COP1: variants seen among roughly 807,000 people sequenced by gnomAD.
The protein encoded by COP1 is E3 ubiquitin-protein ligase COP1.
A neutral mutation model predicts 101.3 loss-of-function variants in COP1; 24 were observed. The observed-to-expected ratio is 0.24, with a 90% confidence interval of 0.17 to 0.33. The LOEUF is 0.33. Ranked by LOEUF, COP1 falls within the 10% of genes least tolerant of loss-of-function variation. The probability of loss-of-function intolerance (pLI) is 1.00; values close to 1 mark genes in which losing one functional copy is unlikely to be tolerated. For missense variants in COP1, 663 were observed against 906.2 expected (o/e 0.73, Z 3.45); for synonymous variants, 347 against 341.9 (o/e 1.01, Z -0.17).
rs748510844 is a variant in COP1, at chr1:175,947,180, T to C, written c.2178+15A>G. 2.2e-5 allele frequency: 35 copies of C among 1,576,068 alleles called. No individual in the cohort carries two copies. The highest frequency in any genetic ancestry group is 3.1e-5 in the Non-Finnish European group (35 of 1,145,902). Reference sequence around the variant, plus strand: ...TGGGCCTGAGTTTAAAATGGAGATATAGTAAATAGCTTACCTTAATTGTAC... The same window carrying C: ...TGGGCCTGAGTTTAAAATGGAGATACAGTAAATAGCTTACCTTAATTGTAC... On this transcript the variant is annotated intron_variant, in intron 19 of 19. Coordinates refer to ENST00000367669, the MANE Select transcript of COP1 (RefSeq NM_022457.7).
intron 11 of COP1, among the ~76,000 whole-genome samples, chr1:176,050,973 T>C (rs1380789223): frequency 5.9e-5 from 9 of 152,112 alleles, no homozygotes; most frequent in Middle Eastern, 3.4e-3. Flanking sequence ...ATAAGAATAA[T>C]AACACAGAAT....
At chr1:175,992,372 T>C (rs1486368017) in intron 15 of COP1, among the ~76,000 whole-genome samples, 1 of 152,178 alleles carries the variant, frequency 6.6e-6, no homozygotes, top group African/African-American at 2.4e-5. Flanking sequence ...TTCATCTCAC[T>C]AGGGAGTGCC....
chr1:176,127,752 A>C (rs1688260853), intron 8 of COP1, among the ~76,000 whole-genome samples: 1 of 152,174 alleles, frequency 6.6e-6, no homozygotes, highest in African/African-American at 2.4e-5. Context: ...TCCTTTGAGA[A>C]TATTCCCAGT....
chr1:176,069,568 G>A (rs1676608369), intron 11 of COP1, among the ~76,000 whole-genome samples: 1 of 152,226 alleles, frequency 6.6e-6, no homozygotes, highest in Admixed American at 6.5e-5. Context: ...AGTGCTAGAA[G>A]TACAAAGATG....
At chr1:176,036,507 C>CAAAAAAAAAAAA (rs77138527) in intron 14 of COP1, among the ~76,000 whole-genome samples, 2 of 127,324 alleles carry the variant, frequency 1.6e-5, no homozygotes, top group African/African-American at 6.1e-5. Flanking sequence ...AACAAAAAAA[C>CAAAAAAAAAAAA]AAAAAAAAAA....
intron 11 of COP1, among the ~76,000 whole-genome samples, chr1:176,073,399 T>G (rs1677361312): frequency 6.6e-6 from 1 of 152,166 alleles, no homozygotes; most frequent in African/African-American, 2.4e-5. Flanking sequence ...GTAGAATGTT[T>G]AACAATTTTT....
intron 2 of COP1, 52 bp downstream of exon 2, chr1:176,184,581 A>C: frequency 7.2e-7 from 1 of 1,379,348 alleles, no homozygotes. Flanking sequence ...CTACATTTAC[A>C]GATAAGTTTT....
At chr1:176,152,637 T>C (rs1200623685) in intron 5 of COP1, among the ~76,000 whole-genome samples, 1 of 152,018 alleles carries the variant, frequency 6.6e-6, no homozygotes, top group African/African-American at 2.4e-5. Context: ...TAGTAGAAAC[T>C]GGGTTTCACC....
At chr1:175,967,608 A>C (rs753239748) in intron 18 of COP1, among the ~76,000 whole-genome samples, 4 of 152,242 alleles carry the variant, frequency 2.6e-5, no homozygotes, top group African/African-American at 4.8e-5. Flanking sequence ...CAAAACACAC[A>C]ACAGGAAAAA....
intron 9 of COP1, among the ~76,000 whole-genome samples, chr1:176,094,500 T>C (rs1012890124): frequency 1.3e-5 from 2 of 152,046 alleles, no homozygotes; most frequent in African/African-American, 4.8e-5. Flanking sequence ...TAAGCTCTTT[T>C]ACCTAGAGGT....
At chr1:176,066,166 T>A (rs1675928411) in intron 11 of COP1, among the ~76,000 whole-genome samples, 1 of 152,192 alleles carries the variant, frequency 6.6e-6, no homozygotes, top group Non-Finnish European at 1.5e-5. Context: ...CTTTCCTTTC[T>A]CTTGTTACTT....
At chr1:176,036,903 G>A (rs1669654206) in intron 14 of COP1, among the ~76,000 whole-genome samples, 1 of 152,120 alleles carries the variant, frequency 6.6e-6, no homozygotes, top group Admixed American at 6.5e-5. Context: ...GCATTTTATG[G>A]ACTTTGATGC....
At chr1:176,130,849 T>G (rs1688763389) in intron 8 of COP1, among the ~76,000 whole-genome samples, 1 of 151,790 alleles carries the variant, frequency 6.6e-6, no homozygotes, top group Non-Finnish European at 1.5e-5. Flanking sequence ...GTAATACATA[T>G]TATAGAAACA....
At chr1:175,989,191 C>T (rs571695650) in intron 16 of COP1, 171 bp downstream of exon 16, 27 of 464,350 alleles carry the variant, frequency 5.8e-5, no homozygotes, top group Non-Finnish European at 1.0e-4. Context: ...CAATACAGAC[C>T]AGAAACCACA....
intron 15 of COP1, among the ~76,000 whole-genome samples, chr1:176,002,809 AT>A: frequency 6.6e-6 from 1 of 150,766 alleles, no homozygotes; most frequent in East Asian, 1.9e-4. Flanking sequence ...TAATGCCACA[AT>A]AAACATACGT....
rs766952167 is a variant in COP1, at chr1:175,992,100, T to G, written c.1730-2621A>C. Among the ~76,000 whole-genome samples, 40 of 152,236 alleles carry G rather than the reference T, an allele frequency of 2.6e-4. 1 individual carries two copies. Among genetic ancestry groups the G allele is most frequent in the Admixed American group, 2.6e-3 (40 of 15,278 alleles). On this transcript the variant is annotated intron_variant, in intron 15 of 19. Transcript: ENST00000367669. ...CATTTTTAATTTTTTTTGAGTATTA[T>G]AGTTGGTATATACACTTATGTGGAA...
chr1:175,955,092 A>C (rs963877592), intron 18 of COP1, among the ~76,000 whole-genome samples: 4 of 151,976 alleles, frequency 2.6e-5, no homozygotes, highest in African/African-American at 7.3e-5. Flanking sequence ...TCAAAAACAC[A>C]AAAAATTAGA....
intron 18 of COP1, chr1:175,968,523 G>T (rs1351545114): frequency 1.9e-6 from 1 of 518,046 alleles, no homozygotes; most frequent in Non-Finnish European, 3.9e-6. Flanking sequence ...CACATGGCTG[G>T]TTCCAGCAGC....
At chr1:176,181,568 C>T (rs567269684) in intron 2 of COP1, among the ~76,000 whole-genome samples, 5 of 152,176 alleles carry the variant, frequency 3.3e-5, no homozygotes, top group African/African-American at 9.6e-5. Context: ...CTTGGCTGGG[C>T]GCAGTGGCTC....
Sources: allele counts gnomAD v4.1 joint callset (sites outside exome capture counted in the v4.1 genomes callset), GRCh38; gene constraint gnomAD v4.1.1; transcripts MANE v1.5; gene names NCBI Gene and HGNC (gene_info 2026-07-23, HGNC 2026-07-21).